Variants in ODF1 observed in about 807,000 individuals in gnomAD.
The protein encoded by ODF1 is outer dense fiber protein 1.
ODF1 carries 10 observed loss-of-function variants against 24.0 expected under a neutral mutation model. That is an observed-to-expected ratio of 0.42 (90% CI 0.26 to 0.71). The LOEUF (loss-of-function observed/expected upper bound fraction) is 0.71. Ranked by LOEUF, ODF1 falls within the 30% of genes least tolerant of loss-of-function variation. ODF1 has a pLI of 0.28. For missense variants in ODF1, 282 were observed against 307.9 expected (o/e 0.92, Z 0.63); for synonymous variants, 118 against 121.3 (o/e 0.97, Z 0.18).
In ODF1 at chr8:102,551,834, T is replaced by A. The variant is rs200964058; in HGVS notation, c.107T>A (p.Leu36Gln). The change falls in exon 1 of 2, where the codon CTG (leucine) becomes CAG (glutamine). Residue 36 changes from leucine (L) to glutamine (Q), a missense_variant. Leu to Gln is a moderately radical substitution (Grantham distance 113). Coordinates refer to ENST00000285402, the MANE Select transcript of ODF1 (RefSeq NM_024410.4). ...RCIDEFSTRC[L>Q]CDLYMHPYCC... ...ATCGACGAATTTAGCACACGGTGCC[T>A]GTGCGACTTGTATATGCACCCCTAT... 1 of 1,614,208 alleles carries A rather than the reference T, an allele frequency of 6.2e-7. No homozygotes were observed. Among genetic ancestry groups the A allele is most frequent in the East Asian group, 2.2e-5 (1 of 44,868 alleles).
Position 102,553,416 on chromosome 8 carries a change from C to T in ODF1, c.320+1369C>T, listed in dbSNP as rs527786560. Among the ~76,000 whole-genome samples the T allele has an allele frequency of 2.0e-3, 309 of 151,584 alleles. 1 individual carries two copies. Among genetic ancestry groups the T allele is most frequent in the Non-Finnish European group, 2.5e-3 (171 of 67,930 alleles). On this transcript the variant is annotated intron_variant, in intron 1 of 1. Coordinates refer to ENST00000285402, the MANE Select transcript of ODF1 (RefSeq NM_024410.4). ...AAAGGATAATTATTGTCTAGGTCAC[C>T]AGCCACCAATGGTCAGGAATGAACC...
rs3018445 is a variant in ODF1, at chr8:102,560,773, C to G, written c.642C>G (p.Pro214=). 0.61 allele frequency: 981,303 copies of G among 1,608,142 alleles called. 302,559 individuals are homozygous for G. Among genetic ancestry groups the G allele is most frequent in the Middle Eastern group, 0.72 (4,378 of 6,058 alleles). ...PCTSPCSPCS[P]CSPCNPCSPC... Reference sequence around the variant, plus strand: ...CTTCTCCTTGCAGCCCCTGCAGCCCCTGCAGCCCCTGCAACCCCTGCAGCC... The same window carrying G: ...CTTCTCCTTGCAGCCCCTGCAGCCCGTGCAGCCCCTGCAACCCCTGCAGCC... Residue 214 remains proline, a synonymous_variant, in exon 2 of 2, where the codon CCC becomes CCG. Coordinates refer to ENST00000285402, the MANE Select transcript of ODF1 (RefSeq NM_024410.4).
At position 102,551,757 on chromosome 8, in the gene ODF1, T is replaced by C. The variant is rs555242050; in HGVS notation, c.30T>C (p.Ser10=). 1.1e-5 allele frequency: 18 copies of C among 1,610,836 alleles called. No homozygotes were observed. The East Asian group carries it at 2.7e-4, about 24-fold the overall frequency. The change falls in exon 1 of 2, where the codon AGT becomes AGC. Residue 10 remains serine (S), a synonymous_variant. Coordinates refer to ENST00000285402, the MANE Select transcript of ODF1 (RefSeq NM_024410.4). ...CTGCACTGAGTTGTCTCTTGGACAG[T>C]GTCAGAAGGGACATAAAGAAGGTGG... The part of the protein sequence containing the change: MAALSCLLD[S]VRRDIKKVDR...
In ODF1 at chr8:102,560,442, T is replaced by C. The variant is rs778969232; in HGVS notation, c.321-10T>C. 1 of 1,610,294 alleles carries C rather than the reference T, an allele frequency of 6.2e-7. No homozygotes were observed. Reference sequence around the variant, plus strand: ...GCTCCCTCCCACCCTATCCCTTTTCTCAATTCCAGACTGAGAAGAACAACA... The same window carrying C: ...GCTCCCTCCCACCCTATCCCTTTTCCCAATTCCAGACTGAGAAGAACAACA... On this transcript the variant is annotated splice_polypyrimidine_tract_variant and intron_variant, in intron 1 of 1. Transcript: ENST00000285402.
intron 1 of ODF1, among the ~76,000 whole-genome samples, chr8:102,555,279 C>T (rs79564560): frequency 2.2e-3 from 330 of 152,238 alleles, no homozygotes; most frequent in Non-Finnish European, 3.1e-3. Context: ...GTCTTAGAGC[C>T]GGAGAAACAA....
At chr8:102,555,328 A>T (rs1480757237) in intron 1 of ODF1, among the ~76,000 whole-genome samples, 1 of 152,076 alleles carries the variant, frequency 6.6e-6, no homozygotes, top group Non-Finnish European at 1.5e-5. Context: ...GGAGTTTATG[A>T]TCTAATTCAT....
intron 1 of ODF1, among the ~76,000 whole-genome samples, chr8:102,553,947 C>T (rs746717954): frequency 6.6e-6 from 1 of 152,190 alleles, no homozygotes; most frequent in Non-Finnish European, 1.5e-5. Context: ...ATTTCTGGAT[C>T]TCGGAAATGA....
In ODF1 at chr8:102,551,659, C is replaced by A; in HGVS notation, c.-69C>A. 1 of 1,359,194 alleles carries A rather than the reference C, an allele frequency of 7.4e-7. No individual in the cohort carries two copies. Among genetic ancestry groups the A allele is most frequent in the Non-Finnish European group, 1.0e-6 (1 of 990,240 alleles). 84.2% of individuals were successfully genotyped at this position (1,359,194 alleles called of 1,614,324 possible). A position where few individuals can be genotyped will look rare whatever the true frequency, so the allele number is the denominator to read the frequency against. On this transcript the variant is annotated 5_prime_UTR_variant, in exon 1 of 2. Transcript: ENST00000285402. ...TTTTAAAAGCAACTTCTGAGAAGGG[C>A]TTAGAACAAATTTTTTCCCGGAGTG...
intron 1 of ODF1, among the ~76,000 whole-genome samples, chr8:102,558,358 G>C (rs1331731991): frequency 2.0e-5 from 3 of 152,192 alleles, no homozygotes; most frequent in Non-Finnish European, 4.4e-5. Flanking sequence ...GGAGGCTGAG[G>C]CAGGAGAATG....
rs113560546 is a variant in ODF1, at chr8:102,559,564, G to A, written c.321-888G>A. On this transcript the variant is annotated intron_variant, in intron 1 of 1. Coordinates refer to ENST00000285402, the MANE Select transcript of ODF1 (RefSeq NM_024410.4). The stretch of plus-strand genomic sequence containing the variant: ...ACGATCAGCTCTTGCTAGCTGATGT[G>A]ATCCTGATTATGGACACCACTGAGA... Among the ~76,000 whole-genome samples the A allele has an allele frequency of 5.5e-3, 840 of 151,800 alleles. 48 individuals carry two copies. The highest frequency in any genetic ancestry group is 0.019 in the African/African-American group (789 of 41,050).
chr8:102,553,133 C>T (rs139234735), intron 1 of ODF1, among the ~76,000 whole-genome samples: 2,160 of 147,824 alleles, frequency 0.015, 50 homozygotes, highest in African/African-American at 0.051. Flanking sequence ...GAGGCGGAGG[C>T]GGGCAGATCA....
At chr8:102,555,780 C>T (rs1826104155) in intron 1 of ODF1, among the ~76,000 whole-genome samples, 1 of 152,182 alleles carries the variant, frequency 6.6e-6, no homozygotes, top group African/African-American at 2.4e-5. Context: ...GAAAGGCTGG[C>T]TCTTCCACTC....
chr8:102,560,714 T>C lies in ODF1; in HGVS notation c.583T>C (p.Cys195Arg). 1 of 1,614,030 alleles carries C rather than the reference T, an allele frequency of 6.2e-7. No homozygotes were observed. ...DVTYSYGLGSCVKIESPCYPC... is the reference protein window; with the variant it reads ...DVTYSYGLGSRVKIESPCYPC... Reference sequence around the variant, plus strand: ...AACATACTCCTATGGGCTCGGCAGCTGTGTCAAGATCGAGTCTCCTTGCTA... The same window carrying C: ...AACATACTCCTATGGGCTCGGCAGCCGTGTCAAGATCGAGTCTCCTTGCTA... The change falls in exon 2 of 2, where the codon TGT (cysteine) becomes CGT (arginine). Residue 195 changes from cysteine to arginine, a missense_variant. Coordinates refer to ENST00000285402, the MANE Select transcript of ODF1 (RefSeq NM_024410.4).
At chr8:102,559,295 C>A (rs1247049898) in intron 1 of ODF1, among the ~76,000 whole-genome samples, 1 of 151,328 alleles carries the variant, frequency 6.6e-6, no homozygotes, top group Admixed American at 6.6e-5. Flanking sequence ...GCTTTACTAC[C>A]TCTTGACGGA....
intron 1 of ODF1, among the ~76,000 whole-genome samples, chr8:102,558,082 G>T (rs569271567): frequency 1.3e-5 from 2 of 152,288 alleles, no homozygotes; most frequent in East Asian, 1.9e-4. Context: ...TGTGGCATAG[G>T]GTACCCTGGC....
Position 102,560,902 on chromosome 8 carries a change from A to G in ODF1, c.*18A>G. On this transcript the variant is annotated 3_prime_UTR_variant, in exon 2 of 2. Transcript: ENST00000285402. ...TTTTGTAAAGTGCGCATAGGAACCC[A>G]TTACTTAATAGAAGTCAGTTACTCC... 2.3e-5 allele frequency: 36 copies of G among 1,581,750 alleles called. No homozygotes were observed. Among genetic ancestry groups the G allele is most frequent in the Non-Finnish European group, 3.1e-5 (36 of 1,162,378 alleles).
At chr8:102,553,207 A>AAT (rs1491439144) in intron 1 of ODF1, among the ~76,000 whole-genome samples, 1 of 19,258 alleles carries the variant, frequency 5.2e-5, no homozygotes, top group African/African-American at 3.9e-4. Context: ...TACTAAATAC[A>AAT]AAAAAAAAAA....
At chr8:102,553,546 G>A (rs1280498799) in intron 1 of ODF1, among the ~76,000 whole-genome samples, 1 of 152,164 alleles carries the variant, frequency 6.6e-6, no homozygotes, top group African/African-American at 2.4e-5. Flanking sequence ...TGCTCACACT[G>A]TGAGGCAGGG....
At chr8:102,554,032 A>C (rs1826080717) in intron 1 of ODF1, among the ~76,000 whole-genome samples, 1 of 151,918 alleles carries the variant, frequency 6.6e-6, no homozygotes, top group African/African-American at 2.4e-5. Context: ...ACCTTGTGAA[A>C]TTTCTATGCT....
Sources: allele counts gnomAD v4.1 joint callset (sites outside exome capture counted in the v4.1 genomes callset), GRCh38; gene constraint gnomAD v4.1.1; transcripts MANE v1.5; gene names NCBI Gene and HGNC (gene_info 2026-07-23, HGNC 2026-07-21).